Variants in RYR3 observed in about 807,000 individuals in gnomAD.
RYR3 encodes the protein brain ryanodine receptor-calcium release channel.
In RYR3, 207 loss-of-function variants were observed where a neutral mutation model predicts 584.3. That is an observed-to-expected ratio of 0.35 (90% CI 0.32 to 0.40). The LOEUF is 0.40. Among genes scored for constraint, RYR3 ranks in the 10% least tolerant of loss-of-function variants. The pLI, the probability that RYR3 is intolerant of heterozygous loss-of-function variation, is 1.00. For synonymous variants in RYR3, 2,416 were observed against 2,248.5 expected, an observed-to-expected ratio of 1.07 and a Z score of -2.11; for missense variants, 5,616 against 6,089.2, an observed-to-expected ratio of 0.92 and a Z score of 2.59.
At chr15:33,746,806 T>C (rs1222663133) in intron 53 of RYR3, among the ~76,000 whole-genome samples, 5 of 146,226 alleles carry the variant, frequency 3.4e-5, no homozygotes, top group Admixed American at 6.7e-5. Flanking sequence ...CTTTCTTCTT[T>C]TTTTTTTTTT....
chr15:33,543,805 A>T, intron 8 of RYR3, 90 bp downstream of exon 8: 1 of 888,810 alleles, frequency 1.1e-6, no homozygotes, highest in South Asian at 1.4e-5. Flanking sequence ...CCATATATGA[A>T]CTCTGTACAT....
At chr15:33,598,584 G>T (rs2059504020) in intron 16 of RYR3, among the ~76,000 whole-genome samples, 1 of 151,690 alleles carries the variant, frequency 6.6e-6, no homozygotes, top group African/African-American at 2.4e-5. Flanking sequence ...TTCTTACCTA[G>T]TGATGGGTCT....
chr15:33,369,909 C>A (rs149637671), intron 1 of RYR3, among the ~76,000 whole-genome samples: 1 of 152,314 alleles, frequency 6.6e-6, no homozygotes, highest in Non-Finnish European at 1.5e-5. Context: ...AGGCTTAGAT[C>A]ATGGACAGTA....
chr15:33,846,623 T>C (rs1384298120), intron 93 of RYR3, among the ~76,000 whole-genome samples: 1 of 152,154 alleles, frequency 6.6e-6, no homozygotes, highest in South Asian at 2.1e-4. Context: ...CAGTGAACTA[T>C]TGTGTCATGT....
intron 1 of RYR3, among the ~76,000 whole-genome samples, chr15:33,461,564 T>C (rs1173043024): frequency 1.3e-5 from 2 of 152,168 alleles, no homozygotes; most frequent in Non-Finnish European, 2.9e-5. Flanking sequence ...GGATACAAGA[T>C]AAACAGATGG....
Position 33,765,555 on chromosome 15 carries a change from C to T in RYR3, c.8706-3103C>T, listed in dbSNP as rs1366156819. 4.7e-5 allele frequency among the ~76,000 whole-genome samples: 7 copies of T among 147,916 alleles called. No homozygotes were observed. The Admixed American group carries it at 4.8e-4, about 10-fold the overall frequency. ...GGCTGAGGCAGGAGAATCACTTGAA[C>T]CCAGGAGGCGGAGGTTGCAGTGAGC... On this transcript the variant is annotated intron_variant, in intron 60 of 103. Transcript: ENST00000634891.
intron 1 of RYR3, among the ~76,000 whole-genome samples, chr15:33,445,789 A>G (rs562112775): frequency 7.9e-5 from 12 of 151,966 alleles, no homozygotes; most frequent in Admixed American, 2.0e-4. Flanking sequence ...ATGAAAGTTA[A>G]AAGTCAAGTT....
chr15:33,597,666 A>G (rs2059441986), intron 16 of RYR3, among the ~76,000 whole-genome samples: 1 of 152,110 alleles, frequency 6.6e-6, no homozygotes, highest in African/African-American at 2.4e-5. Flanking sequence ...TTTAAAAAGC[A>G]TTTTATTTAG....
rs183361092 is a variant in RYR3 at position 33,666,037 on chromosome 15, C to G, written c.5619+2300C>G. ...GTTTCTTTTTTGTGACAGAGTCTCA[C>G]TCTGTCATGCAGGCTGGGATGCAGT... On this transcript the variant is annotated intron_variant, in intron 36 of 103. Transcript: ENST00000634891. 2.8e-3 allele frequency among the ~76,000 whole-genome samples: 423 copies of G among 152,314 alleles called. 5 individuals are homozygous for G. The highest frequency in any genetic ancestry group is 9.2e-3 in the African/African-American group (384 of 41,566).
At chr15:33,451,209 T>G (rs2047095344) in intron 1 of RYR3, among the ~76,000 whole-genome samples, 1 of 152,212 alleles carries the variant, frequency 6.6e-6, no homozygotes, top group African/African-American at 2.4e-5. Context: ...TAACAGGCAC[T>G]CCATAAATGG....
intron 98 of RYR3, chr15:33,856,032 G>T (rs1187712089): frequency 6.6e-6 from 1 of 152,122 alleles, no homozygotes; most frequent in Non-Finnish European, 1.5e-5. Flanking sequence ...CAGTTACTGT[G>T]ACAGCCTCAC....
chr15:33,858,081 G>A lies in RYR3; in HGVS notation c.14142+167G>A, dbSNP rs894484327. The A allele has an allele frequency of 1.5e-5, 14 of 910,424 alleles. No homozygotes were observed. In the Admixed American group the frequency reaches 2.8e-4, roughly 18 times the overall value. 56.4% of individuals were successfully genotyped at this position (910,424 alleles called of 1,614,324 possible). A position where few individuals can be genotyped will look rare whatever the true frequency, so the allele number is the denominator to read the frequency against. On this transcript the variant is annotated intron_variant, in intron 99 of 103. Coordinates refer to ENST00000634891, the MANE Select transcript of RYR3 (RefSeq NM_001036.6). ...AGACAGATGTCTTCTCCAAACAGGAGAGTGTCCTGGGAAGACAGAAGTGAT... is the reference window on the plus strand; with the variant it reads ...AGACAGATGTCTTCTCCAAACAGGAAAGTGTCCTGGGAAGACAGAAGTGAT...
In RYR3 at chr15:33,844,896, A is replaced by ATGTTG; in HGVS notation, c.13332_13336dup (p.Ala4446ValfsTer46). 1 of 1,614,028 alleles carries ATGTTG rather than the reference A, an allele frequency of 6.2e-7. No homozygotes were observed. The highest frequency in any genetic ancestry group is 8.5e-7 in the Non-Finnish European group (1 of 1,179,890). On this transcript the variant is annotated frameshift_variant, in exon 93 of 104. Transcript: ENST00000634891. LOFTEE classifies it high-confidence loss of function. ...GAACCTTTAGAAGAAGAGACAGAGG[A>ATGTTG]TGTTGCAAACCTATGGAATTCCTTT...
intron 67 of RYR3, among the ~76,000 whole-genome samples, chr15:33,790,979 T>G (rs1368260249): frequency 6.6e-6 from 1 of 152,248 alleles, no homozygotes; most frequent in East Asian, 1.9e-4. Flanking sequence ...GGCATTATAT[T>G]AAGCAGCTCA....
Position 33,586,029 on chromosome 15 carries a change from T to G in RYR3, c.1701T>G (p.Thr567=), listed in dbSNP as rs1297710552. The change falls in exon 16 of 104, where the codon ACT becomes ACG. Residue 567 remains threonine (T), a synonymous_variant. Coordinates refer to ENST00000634891, the MANE Select transcript of RYR3 (RefSeq NM_001036.6). ...GILEVLHCIL[T]ESPEALNLIA... ...TGGAAGTTTTGCACTGCATCTTAACTGAAAGCCCAGAAGCCTTAAATCTGA... is the reference window on the plus strand; with the variant it reads ...TGGAAGTTTTGCACTGCATCTTAACGGAAAGCCCAGAAGCCTTAAATCTGA... The G allele has an allele frequency of 2.5e-6, 4 of 1,613,242 alleles. No homozygotes were observed. Among genetic ancestry groups the G allele is most frequent in the Non-Finnish European group, 3.4e-6 (4 of 1,179,374 alleles).
intron 2 of RYR3, among the ~76,000 whole-genome samples, chr15:33,486,356 A>G (rs1411807003): frequency 6.6e-6 from 1 of 152,154 alleles, no homozygotes; most frequent in Non-Finnish European, 1.5e-5. Flanking sequence ...GTGGAAGCAT[A>G]ACCCCAGTCT....
At chr15:33,402,344 G>C (rs1429429954) in intron 1 of RYR3, among the ~76,000 whole-genome samples, 1 of 152,174 alleles carries the variant, frequency 6.6e-6, no homozygotes, top group East Asian at 1.9e-4. Flanking sequence ...AGCTGAAGCG[G>C]CATGGTTAGT....
At chr15:33,655,224 T>C (rs1363389525) in intron 32 of RYR3, among the ~76,000 whole-genome samples, 1 of 152,206 alleles carries the variant, frequency 6.6e-6, no homozygotes, top group African/African-American at 2.4e-5. Flanking sequence ...ATTCTTCTAG[T>C]ACTTTTTCAT....
intron 52 of RYR3, 48 bp from the exon 53 acceptor site, chr15:33,746,020 G>C (rs555022622): frequency 1.6e-6 from 2 of 1,237,348 alleles, no homozygotes; most frequent in Non-Finnish European, 2.3e-6. Context: ...GTCACATAGC[G>C]GGGTTCTTTG....
Sources: gnomAD v4.1 joint callset for allele counts (sites outside exome capture counted in the v4.1 genomes callset) on GRCh38, gnomAD v4.1.1 for gene constraint, MANE v1.5 for transcripts, NCBI Gene and HGNC (gene_info 2026-07-23, HGNC 2026-07-21) for gene names.